AFG2A: variants seen among roughly 807,000 people sequenced by gnomAD.
AFG2A encodes AAA ATPase AFG2A.
chr4:122,957,196 G>T, the AFG2A span, among the ~76,000 whole-genome samples: 2 of 152,176 alleles, frequency 1.3e-5, no homozygotes, highest in African/African-American at 4.8e-5. Flanking sequence ...GCCTCTTCAG[G>T]CCTCATCGGC....
At chr4:123,299,752 C>T in the AFG2A span, among the ~76,000 whole-genome samples, 5 of 152,140 alleles carry the variant, frequency 3.3e-5, no homozygotes, top group Admixed American at 3.3e-4. Flanking sequence ...ACTAAATGTA[C>T]ATACTCAAAT....
chr4:123,099,217 G>C, the AFG2A span, among the ~76,000 whole-genome samples: 5 of 151,730 alleles, frequency 3.3e-5, no homozygotes, highest in Non-Finnish European at 7.4e-5. Flanking sequence ...ATTTGTTGCT[G>C]TTGAGTTCCT....
At chr4:123,012,940 G>A in the AFG2A span, among the ~76,000 whole-genome samples, 3 of 152,132 alleles carry the variant, frequency 2.0e-5, no homozygotes, top group African/African-American at 7.2e-5. Flanking sequence ...TCCGAGTCAC[G>A]GCACCAAATT....
At chr4:123,016,184 C>T in the AFG2A span, among the ~76,000 whole-genome samples, 60 of 110,808 alleles carry the variant, frequency 5.4e-4, no homozygotes, top group African/African-American at 1.9e-3. Context: ...ACCTCCCTCC[C>T]GGACGGGGCG....
the AFG2A span, among the ~76,000 whole-genome samples, chr4:123,093,605 C>A: frequency 6.6e-6 from 1 of 152,156 alleles, no homozygotes; most frequent in African/African-American, 2.4e-5. Context: ...GGTCTCCTAC[C>A]TTATTCCCCC....
the AFG2A span, among the ~76,000 whole-genome samples, chr4:122,993,355 C>A: frequency 6.6e-6 from 1 of 152,016 alleles, no homozygotes; most frequent in East Asian, 1.9e-4. Context: ...CTGCTTTTTT[C>A]ACTTAAAATT....
At chr4:122,935,276 G>T in the AFG2A span, among the ~76,000 whole-genome samples, 3 of 151,944 alleles carry the variant, frequency 2.0e-5, no homozygotes, top group African/African-American at 7.3e-5. Flanking sequence ...ATATGTATGT[G>T]TAAAATGAAC....
At chr4:123,229,509 A>G in the AFG2A span, among the ~76,000 whole-genome samples, 1 of 152,010 alleles carries the variant, frequency 6.6e-6, no homozygotes, top group African/African-American at 2.4e-5. Flanking sequence ...CTCTAAGAAC[A>G]GTCTTTGAGG....
chr4:123,095,051 A>ATATG, the AFG2A span, among the ~76,000 whole-genome samples: 58 of 54,712 alleles, frequency 1.1e-3, no homozygotes, highest in Middle Eastern at 6.5e-3. Context: ...AAATATATAT[A>ATATG]TATATATATA....
chr4:123,167,251 C>T, the AFG2A span, among the ~76,000 whole-genome samples: 2 of 148,812 alleles, frequency 1.3e-5, no homozygotes, highest in African/African-American at 4.9e-5. Context: ...ATATAATATA[C>T]TTATATGTAG....
the AFG2A span, among the ~76,000 whole-genome samples, chr4:123,167,294 A>G: frequency 0.5 from 74,962 of 150,452 alleles, 23,128 homozygotes; most frequent in Non-Finnish European, 0.67. Context: ...GGGGGGTCCT[A>G]CTTAGCCTTT....
chr4:123,016,761 C>G, the AFG2A span, among the ~76,000 whole-genome samples: 31 of 152,106 alleles, frequency 2.0e-4, no homozygotes, highest in Non-Finnish European at 4.1e-4. Flanking sequence ...TTTGGGAGGC[C>G]AAGGCAGGCG....
At chr4:123,116,854 ATTATT>A in the AFG2A span, among the ~76,000 whole-genome samples, 3 of 152,134 alleles carry the variant, frequency 2.0e-5, no homozygotes, top group Non-Finnish European at 4.4e-5. Flanking sequence ...AGAAATTTGT[ATTATT>A]TTTTACTCTT....
chr4:123,192,517 A>G, the AFG2A span, among the ~76,000 whole-genome samples: 1 of 152,238 alleles, frequency 6.6e-6, no homozygotes, highest in African/African-American at 2.4e-5. Context: ...ATAATTAAAT[A>G]GAATTTAAAA....
the AFG2A span, among the ~76,000 whole-genome samples, chr4:122,995,726 T>A: frequency 6.6e-6 from 1 of 152,208 alleles, no homozygotes; most frequent in Admixed American, 6.5e-5. Flanking sequence ...TTTCTGATGG[T>A]TATCTTGTTC....
At chr4:123,267,967 A>G in the AFG2A span, among the ~76,000 whole-genome samples, 1 of 151,994 alleles carries the variant, frequency 6.6e-6, no homozygotes, top group Non-Finnish European at 1.5e-5. Context: ...TAAACTGATC[A>G]TGGCTTATAA....
chr4:123,000,473 C>T, the AFG2A span, among the ~76,000 whole-genome samples: 29,412 of 149,538 alleles, frequency 0.2, 3,090 homozygotes, highest in East Asian at 0.44. Context: ...TTTTGAGATA[C>T]GTCCCATCAA....
chr4:122,997,096 T>A, the AFG2A span, among the ~76,000 whole-genome samples: 1 of 152,182 alleles, frequency 6.6e-6, no homozygotes, highest in African/African-American at 2.4e-5. Flanking sequence ...ATCCCTTTAT[T>A]CAGTCAAGTT....
chr4:123,181,384 G>C, the AFG2A span, among the ~76,000 whole-genome samples: 2 of 152,002 alleles, frequency 1.3e-5, no homozygotes, highest in Admixed American at 6.6e-5. Context: ...AGGCAAGGTG[G>C]ACAGATTGCT....
Sources: gnomAD v4.1 joint callset for allele counts (sites outside exome capture counted in the v4.1 genomes callset) on GRCh38, gnomAD v4.1.1 for gene constraint, MANE v1.5 for transcripts, NCBI Gene and HGNC (gene_info 2026-07-23, HGNC 2026-07-21) for gene names.